Variants in NALF1 observed in about 807,000 individuals in gnomAD.
NALF1 encodes NALCN channel auxiliary factor 1.
A neutral mutation model predicts 48.4 loss-of-function variants in NALF1; 3 were observed. That is an observed-to-expected ratio of 0.06 (90% CI 0.03 to 0.16). The LOEUF is 0.16. NALF1 is among the 10% of genes least tolerant of loss of function. NALF1 has a pLI of 1.00. For synonymous variants in NALF1, 262 were observed against 245.7 expected (o/e 1.07, Z -0.62); for missense variants, 526 against 571.5 (o/e 0.92, Z 0.81).
At chr13:107,551,004 C>A (rs145348923) in intron 1 of NALF1, among the ~76,000 whole-genome samples, 2 of 152,044 alleles carry the variant, frequency 1.3e-5, no homozygotes, top group Non-Finnish European at 2.9e-5. Context: ...CCTGTGGCCC[C>A]GTATGTGGTA....
intron 1 of NALF1, among the ~76,000 whole-genome samples, chr13:107,678,940 C>T (rs1297544903): frequency 6.6e-6 from 1 of 152,132 alleles, no homozygotes; most frequent in African/African-American, 2.4e-5. Context: ...AAACCCTAAC[C>T]ATATCAGGGG....
chr13:107,657,105 G>A lies in NALF1; in HGVS notation c.915+208577C>T, dbSNP rs143807970. Among the ~76,000 whole-genome samples the A allele has an allele frequency of 0.018, 2,668 of 151,800 alleles. 143 individuals carry two copies. In the East Asian group the frequency reaches 0.2, roughly 12 times the overall value. On this transcript the variant is annotated intron_variant, in intron 1 of 2. Transcript: ENST00000375915. ...AGGTGATGGGTGCACCAAAATCTCA[G>A]AAATCACAGCTAAAGAACTTATTCA...
intron 1 of NALF1, among the ~76,000 whole-genome samples, chr13:107,449,614 T>G (rs754446870): frequency 6.6e-6 from 1 of 152,184 alleles, no homozygotes; most frequent in East Asian, 1.9e-4. Context: ...TTGAATCTAT[T>G]GTGAAGATCT....
At chr13:107,843,717 C>T (rs1880100535) in intron 1 of NALF1, among the ~76,000 whole-genome samples, 1 of 152,088 alleles carries the variant, frequency 6.6e-6, no homozygotes, top group African/African-American at 2.4e-5. Flanking sequence ...TCTTTACTGC[C>T]TTCCCTGGTA....
chr13:107,195,613 C>T (rs576676035), intron 2 of NALF1, among the ~76,000 whole-genome samples: 6 of 152,276 alleles, frequency 3.9e-5, no homozygotes, highest in Middle Eastern at 3.4e-3. Context: ...GTTTAATTTG[C>T]CTACTTCTGC....
chr13:107,202,585 A>C (rs1017161328), intron 2 of NALF1, among the ~76,000 whole-genome samples: 2 of 152,106 alleles, frequency 1.3e-5, no homozygotes, highest in African/African-American at 4.8e-5. Context: ...CTAAGCAAAA[A>C]ATTTTCCTGA....
chr13:107,309,064 A>C (rs1361807919), intron 1 of NALF1, among the ~76,000 whole-genome samples: 9 of 152,342 alleles, frequency 5.9e-5, no homozygotes, highest in African/African-American at 2.2e-4. Context: ...TTCCAATAGA[A>C]ATGTACCTGT....
chr13:107,416,724 G>A (rs970632505), intron 1 of NALF1, among the ~76,000 whole-genome samples: 1 of 152,104 alleles, frequency 6.6e-6, no homozygotes, highest in Non-Finnish European at 1.5e-5. Flanking sequence ...GATTTCTGAG[G>A]GGGTCTATCC....
chr13:107,633,943 T>TAG (rs1160897182), intron 1 of NALF1, among the ~76,000 whole-genome samples: 3 of 149,240 alleles, frequency 2.0e-5, no homozygotes, highest in African/African-American at 7.3e-5. Context: ...GATATATATA[T>TAG]TCTGTATATA....
chr13:107,563,974 A>G (rs559935898), intron 1 of NALF1, among the ~76,000 whole-genome samples: 1 of 152,354 alleles, frequency 6.6e-6, no homozygotes, highest in South Asian at 2.1e-4. Flanking sequence ...GTACCTTTAC[A>G]AGGATCTATA....
intron 1 of NALF1, among the ~76,000 whole-genome samples, chr13:107,736,338 T>C (rs1876470484): frequency 6.6e-6 from 1 of 152,162 alleles, no homozygotes; most frequent in Non-Finnish European, 1.5e-5. Context: ...GGTTGCATAA[T>C]GCTTTCTTGT....
intron 1 of NALF1, among the ~76,000 whole-genome samples, chr13:107,558,039 C>A (rs1313208578): frequency 6.6e-6 from 1 of 151,542 alleles, no homozygotes; most frequent in Admixed American, 6.6e-5. Context: ...GAAACACAAC[C>A]CAACCAACCC....
Position 107,369,435 on chromosome 13 carries a change from T to C in NALF1, c.916-158680A>G, listed in dbSNP as rs148348387. ...TATCTTTCCAGTATTTATATATTTTTCATTATGTATACATCTGTGTATATA... is the reference window on the plus strand; with the variant it reads ...TATCTTTCCAGTATTTATATATTTTCCATTATGTATACATCTGTGTATATA... On this transcript the variant is annotated intron_variant, in intron 1 of 2. Transcript: ENST00000375915. Among the ~76,000 whole-genome samples the C allele has an allele frequency of 3.1e-3, 469 of 152,280 alleles. 1 individual carries two copies. The highest frequency in any genetic ancestry group is 6.2e-3 in the Admixed American group (95 of 15,294).
At chr13:107,217,313 C>T (rs772191113) in intron 1 of NALF1, among the ~76,000 whole-genome samples, 33 of 152,108 alleles carry the variant, frequency 2.2e-4, no homozygotes, top group Non-Finnish European at 1.5e-5. Flanking sequence ...CTTGTTTTAT[C>T]CTGGTGTCCC....
At chr13:107,645,635 G>A (rs1880294079) in intron 1 of NALF1, among the ~76,000 whole-genome samples, 1 of 140,084 alleles carries the variant, frequency 7.1e-6, no homozygotes. Context: ...TGCAAGTTAT[G>A]AACTCAAATT....
At chr13:107,335,835 T>C (rs1337636654) in intron 1 of NALF1, among the ~76,000 whole-genome samples, 1 of 152,244 alleles carries the variant, frequency 6.6e-6, no homozygotes, top group Non-Finnish European at 1.5e-5. Context: ...AAGTGGGATA[T>C]TGGGATAGAT....
chr13:107,339,872 T>C (rs1482067476), intron 1 of NALF1, among the ~76,000 whole-genome samples: 1 of 152,210 alleles, frequency 6.6e-6, no homozygotes, highest in Non-Finnish European at 1.5e-5. Context: ...AATAGAAATG[T>C]TATTCTATAG....
At chr13:107,455,750 T>G (rs989061760) in intron 1 of NALF1, among the ~76,000 whole-genome samples, 2 of 152,236 alleles carry the variant, frequency 1.3e-5, no homozygotes, top group Non-Finnish European at 2.9e-5. Context: ...TTCATAGATT[T>G]GCCTTTCCCA....
intron 1 of NALF1, among the ~76,000 whole-genome samples, chr13:107,756,158 A>T (rs186047484): frequency 2.6e-5 from 4 of 152,290 alleles, no homozygotes; most frequent in Admixed American, 1.3e-4. Flanking sequence ...TTTTAAGAAA[A>T]ATACTAAATT....
Sources: gnomAD v4.1 joint callset for allele counts (sites outside exome capture counted in the v4.1 genomes callset) on GRCh38, gnomAD v4.1.1 for gene constraint, MANE v1.5 for transcripts, NCBI Gene and HGNC (gene_info 2026-07-23, HGNC 2026-07-21) for gene names.